Variants in CSMD1 observed in about 807,000 individuals in gnomAD.
CSMD1 encodes the protein CUB and sushi domain-containing protein 1.
Under a neutral mutation model 417.5 loss-of-function variants are expected in CSMD1, and 213 were observed. That is an observed-to-expected ratio of 0.51 (90% CI 0.46 to 0.57). The LOEUF (loss-of-function observed/expected upper bound fraction) is 0.57, where lower values mean the gene tolerates loss of function less well. Ranked by LOEUF, CSMD1 falls within the 20% of genes least tolerant of loss-of-function variation. The pLI is 0.00. For missense variants in CSMD1, 6,923 were observed against 4,529.7 expected (o/e 1.53, Z -15.17); for synonymous variants, 2,862 against 1,736.8 (o/e 1.65, Z -16.11).
At chr8:3,269,941 G>T (rs370480335) in intron 26 of CSMD1, among the ~76,000 whole-genome samples, 2 of 151,774 alleles carry the variant, frequency 1.3e-5, no homozygotes, top group East Asian at 1.9e-4. Context: ...GAAGGTAAAC[G>T]CACATAAAGC....
At chr8:4,680,432 G>C (rs11786481) in intron 1 of CSMD1, among the ~76,000 whole-genome samples, 13,519 of 152,156 alleles carry the variant, frequency 0.089, 644 homozygotes, top group Middle Eastern at 0.12. Context: ...AAACTACATT[G>C]AGTGACGTAC....
intron 10 of CSMD1, among the ~76,000 whole-genome samples, chr8:3,517,661 C>A (rs1324592760): frequency 6.6e-6 from 1 of 152,086 alleles, no homozygotes; most frequent in African/African-American, 2.4e-5. Flanking sequence ...GAATTTTGGT[C>A]TAGCTAACAC....
chr8:3,687,669 C>T (rs1217351524), intron 7 of CSMD1, among the ~76,000 whole-genome samples: 1 of 152,164 alleles, frequency 6.6e-6, no homozygotes, highest in Non-Finnish European at 1.5e-5. Flanking sequence ...CACGCTAGGA[C>T]CGAGGCTCCC....
At position 4,378,490 on chromosome 8, in the gene CSMD1, ATCTC is replaced by A. The variant is rs367807744; in HGVS notation, c.415+41459_415+41462del. On this transcript the variant is annotated intron_variant, in intron 3 of 69. Coordinates refer to ENST00000635120, the MANE Select transcript of CSMD1 (RefSeq NM_033225.6). Reference sequence around the variant, plus strand: ...TGTCTCCCTAGTTTTTATCCCCTTTATCTCTCTCTCTCTCTTTCTCTCTGTTCAT... The same window carrying A: ...TGTCTCCCTAGTTTTTATCCCCTTTATCTCTCTCTCTTTCTCTCTGTTCAT... 4.6e-4 allele frequency among the ~76,000 whole-genome samples: 70 copies of A among 151,746 alleles called. 1 individual carries two copies. Among genetic ancestry groups the A allele is most frequent in the African/African-American group, 1.6e-3 (65 of 41,390 alleles).
intron 46 of CSMD1, among the ~76,000 whole-genome samples, chr8:3,099,795 A>C (rs1366569972): frequency 6.6e-6 from 1 of 152,188 alleles, no homozygotes; most frequent in African/African-American, 2.4e-5. Flanking sequence ...TTCTTAGGAA[A>C]GACAAAATGA....
Position 3,835,657 on chromosome 8 carries a change from C to G in CSMD1, c.819-81615G>C, listed in dbSNP as rs563645226. ...AGCACACCAACATGGCACATGTATA[C>G]ATATGTAACAAACCTGCACATTGTG... On this transcript the variant is annotated intron_variant, in intron 5 of 69. Transcript: ENST00000635120. Among the ~76,000 whole-genome samples the G allele has an allele frequency of 2.5e-4, 38 of 150,348 alleles. No homozygotes were observed. In the South Asian group the frequency reaches 7.6e-3, roughly 30 times the overall value.
intron 3 of CSMD1, among the ~76,000 whole-genome samples, chr8:4,330,281 A>C (rs886351351): frequency 6.6e-6 from 1 of 152,038 alleles, no homozygotes; most frequent in Admixed American, 6.6e-5. Flanking sequence ...CTCTTCTACA[A>C]AGTAACACTA....
At chr8:4,017,581 C>T (rs1796583881) in intron 4 of CSMD1, among the ~76,000 whole-genome samples, 2 of 152,176 alleles carry the variant, frequency 1.3e-5, no homozygotes, top group South Asian at 4.1e-4. Flanking sequence ...GCTGGAATTA[C>T]AGGCGTGAGC....
chr8:4,703,127 G>C (rs995787198), intron 1 of CSMD1, among the ~76,000 whole-genome samples: 1 of 152,092 alleles, frequency 6.6e-6, no homozygotes, highest in Non-Finnish European at 1.5e-5. Flanking sequence ...TATTTAATTA[G>C]ATGCAATATC....
intron 8 of CSMD1, among the ~76,000 whole-genome samples, chr8:3,616,279 G>C (rs953709345): frequency 2.6e-5 from 4 of 152,112 alleles, no homozygotes; most frequent in South Asian, 2.1e-4. Flanking sequence ...TCTCATGTTA[G>C]TGAGTGAGTT....
At chr8:3,508,306 G>T (rs563209326) in intron 10 of CSMD1, among the ~76,000 whole-genome samples, 1 of 150,654 alleles carries the variant, frequency 6.6e-6, no homozygotes, top group African/African-American at 2.4e-5. Flanking sequence ...CCCAGGGCAG[G>T]TGAGAACACT....
intron 5 of CSMD1, among the ~76,000 whole-genome samples, chr8:3,873,198 A>G (rs1181012628): frequency 6.6e-6 from 1 of 152,178 alleles, no homozygotes; most frequent in Non-Finnish European, 1.5e-5. Context: ...CAATCCCTTT[A>G]CTGGCTATGT....
At chr8:3,693,706 G>C (rs1008852337) in intron 7 of CSMD1, among the ~76,000 whole-genome samples, 1 of 152,098 alleles carries the variant, frequency 6.6e-6, no homozygotes, top group African/African-American at 2.4e-5. Flanking sequence ...ACGGGAATTA[G>C]AAAATGTATG....
chr8:3,903,756 G>T (rs1249283124), intron 5 of CSMD1, among the ~76,000 whole-genome samples: 2 of 152,112 alleles, frequency 1.3e-5, no homozygotes, highest in Non-Finnish European at 2.9e-5. Context: ...GATGGACTTT[G>T]CCACCTCCCA....
At chr8:3,812,970 C>A (rs1266319008) in intron 5 of CSMD1, among the ~76,000 whole-genome samples, 2 of 152,036 alleles carry the variant, frequency 1.3e-5, no homozygotes, top group East Asian at 1.9e-4. Context: ...ACAGGCAGTG[C>A]AATTTCTTGG....
At chr8:3,403,897 A>G (rs1812188993) in intron 15 of CSMD1, among the ~76,000 whole-genome samples, 1 of 152,168 alleles carries the variant, frequency 6.6e-6, no homozygotes, top group African/African-American at 2.4e-5. Flanking sequence ...TACATTTACC[A>G]TATGTGATGG....
At chr8:3,420,293 C>G (rs192420541) in intron 12 of CSMD1, among the ~76,000 whole-genome samples, 2 of 151,950 alleles carry the variant, frequency 1.3e-5, no homozygotes, top group Non-Finnish European at 1.5e-5. Flanking sequence ...CAATACCAAC[C>G]AGGACTCCTC....
intron 3 of CSMD1, among the ~76,000 whole-genome samples, chr8:4,374,690 G>A (rs2128914923): frequency 6.6e-6 from 1 of 152,230 alleles, no homozygotes; most frequent in East Asian, 1.9e-4. Flanking sequence ...GTGGCATTTA[G>A]GAAAATAAGC....
intron 2 of CSMD1, among the ~76,000 whole-genome samples, chr8:4,582,398 A>C (rs1404116033): frequency 6.6e-6 from 1 of 152,230 alleles, no homozygotes; most frequent in Non-Finnish European, 1.5e-5. Flanking sequence ...AGAGATTATC[A>C]GGGCTGCAAC....
Sources: allele counts gnomAD v4.1 joint callset (sites outside exome capture counted in the v4.1 genomes callset), GRCh38; gene constraint gnomAD v4.1.1; transcripts MANE v1.5; gene names NCBI Gene and HGNC (gene_info 2026-07-23, HGNC 2026-07-21).